ADAM19: variants seen among roughly 807,000 people sequenced by gnomAD.
ADAM19 encodes the protein disintegrin and metalloproteinase domain-containing protein 19.
In ADAM19, 65 loss-of-function variants were observed where a neutral mutation model predicts 114.7. The observed-to-expected ratio is 0.57, with a 90% CI of 0.46 to 0.70. The LOEUF is 0.70. Among genes scored for constraint, ADAM19 ranks in the 30% least tolerant of loss-of-function variants. ADAM19 has a pLI of 0.00. For synonymous variants in ADAM19, 466 were observed against 460.5 expected, an observed-to-expected ratio of 1.01 and a Z score of -0.15; for missense variants, 1,063 against 1,204.7, an observed-to-expected ratio of 0.88 and a Z score of 1.74.
At chr5:157,556,203 C>CT (rs1561555558) in intron 3 of ADAM19, among the ~76,000 whole-genome samples, 3 of 77,310 alleles carry the variant, frequency 3.9e-5, no homozygotes, top group Non-Finnish European at 5.2e-5. Context: ...GTTTTTTTTT[C>CT]TTTTTCTTTT....
intron 17 of ADAM19, 42 bp from the exon 18 acceptor site, chr5:157,491,765 C>T (rs952009424): frequency 1.2e-6 from 2 of 1,611,452 alleles, no homozygotes; most frequent in African/African-American, 2.7e-5. Context: ...CCCCAGAGAG[C>T]ATCAGCCACC....
At chr5:157,491,296 T>C (rs1332660031) in intron 18 of ADAM19, among the ~76,000 whole-genome samples, 2 of 152,220 alleles carry the variant, frequency 1.3e-5, no homozygotes, top group Non-Finnish European at 2.9e-5. Context: ...TATTTTTAAG[T>C]GCCCAAAGAG....
intron 18 of ADAM19, among the ~76,000 whole-genome samples, chr5:157,491,383 C>T (rs1289212895): frequency 1.3e-5 from 2 of 152,244 alleles, no homozygotes; most frequent in African/African-American, 2.4e-5. Context: ...CTCTACTAAG[C>T]GGGCTCCCCC....
intron 21 of ADAM19, among the ~76,000 whole-genome samples, chr5:157,485,002 T>C (rs1480800358): frequency 6.6e-6 from 1 of 152,246 alleles, no homozygotes; most frequent in Non-Finnish European, 1.5e-5. Context: ...TGTTTTCCTT[T>C]TTCTAGAGCA....
intron 3 of ADAM19, 54 bp downstream of exon 3, chr5:157,564,319 G>A (rs1757593080): frequency 6.6e-7 from 1 of 1,522,798 alleles, no homozygotes; most frequent in African/African-American, 1.4e-5. Flanking sequence ...CCTGCGTCCG[G>A]CGTTGACACA....
intron 5 of ADAM19, among the ~76,000 whole-genome samples, chr5:157,529,281 T>C (rs1185552463): frequency 6.7e-6 from 1 of 150,178 alleles, no homozygotes; most frequent in East Asian, 1.9e-4. Flanking sequence ...AATTAGTATA[T>C]GCAATGAGAT....
chr5:157,509,347 G>A lies in ADAM19; in HGVS notation c.859C>T (p.Arg287Cys), dbSNP rs1368514508. 1.3e-5 allele frequency: 21 copies of A among 1,612,388 alleles called. No homozygotes were observed. The highest frequency in any genetic ancestry group is 1.5e-5 in the Non-Finnish European group (18 of 1,179,036). Residue 287 changes from arginine to cysteine, a missense_variant, in exon 9 of 23, where the codon CGC (arginine) becomes TGC (cysteine). By Grantham distance (180) the Arg-to-Cys change is radical. Around this residue, in one of 3 missense-constraint regions of ADAM19, gnomAD observed 615 missense variants for 706.3 expected, o/e 0.87. Coordinates refer to ENST00000257527, the MANE Select transcript of ADAM19 (RefSeq NM_033274.5). ...TGGTACTTCTGGGCAAGCAGCTTGC[G>A]CCTCCAACTGAGAAAGGACCAGAGG... The part of the protein sequence containing the change: ...STLWSFLSWR[R>C]KLLAQKYHDN...
intron 3 of ADAM19, among the ~76,000 whole-genome samples, chr5:157,542,645 T>C (rs530060510): frequency 5.9e-5 from 9 of 152,098 alleles, no homozygotes; most frequent in African/African-American, 2.2e-4. Flanking sequence ...AGCCCGTCTC[T>C]ACAAAAAAAA....
chr5:157,573,533 G>A (rs1183049627), intron 1 of ADAM19, among the ~76,000 whole-genome samples: 1 of 152,158 alleles, frequency 6.6e-6, no homozygotes, highest in Non-Finnish European at 1.5e-5. Flanking sequence ...ATCACCTGAG[G>A]TCAGGAATTT....
intron 6 of ADAM19, 77 bp from the exon 7 acceptor site, chr5:157,518,965 G>A: frequency 8.1e-7 from 1 of 1,228,226 alleles, no homozygotes; most frequent in Non-Finnish European, 1.2e-6. Context: ...AAGAAACAGA[G>A]CTGCTGGATA....
At chr5:157,481,172 C>A in intron 22 of ADAM19, 170 bp from the exon 23 acceptor site, 1 of 846,592 alleles carries the variant, frequency 1.2e-6, no homozygotes. Context: ...ATCAGCCCTG[C>A]AGGAAGGGGT....
chr5:157,500,449 G>A (rs1361099040), intron 12 of ADAM19, among the ~76,000 whole-genome samples: 2 of 152,156 alleles, frequency 1.3e-5, no homozygotes, highest in Non-Finnish European at 2.9e-5. Context: ...TAACCATGTA[G>A]TCTTCTAAAA....
At chr5:157,540,648 A>C (rs148048912) in intron 3 of ADAM19, among the ~76,000 whole-genome samples, 1 of 152,234 alleles carries the variant, frequency 6.6e-6, no homozygotes, top group African/African-American at 2.4e-5. Context: ...CAGGCAGTAC[A>C]TGTGCATTCT....
chr5:157,555,817 C>T (rs752341229), intron 3 of ADAM19, among the ~76,000 whole-genome samples: 26 of 152,190 alleles, frequency 1.7e-4, no homozygotes, highest in Admixed American at 5.2e-4. Flanking sequence ...AGCAGGGCTG[C>T]GTGCCCTCTG....
At chr5:157,558,587 A>G (rs1757425186) in intron 3 of ADAM19, among the ~76,000 whole-genome samples, 1 of 152,218 alleles carries the variant, frequency 6.6e-6, no homozygotes, top group Non-Finnish European at 1.5e-5. Context: ...TTTGCCAACA[A>G]CAAATGAAGC....
chr5:157,530,953 T>C, intron 4 of ADAM19, 70 bp from the exon 5 acceptor site: 1 of 1,318,162 alleles, frequency 7.6e-7, no homozygotes, highest in East Asian at 2.3e-5. Flanking sequence ...TATCTCAGGA[T>C]GGTCATGGAT....
intron 18 of ADAM19, among the ~76,000 whole-genome samples, chr5:157,491,100 T>G (rs1755138397): frequency 6.6e-6 from 1 of 152,076 alleles, no homozygotes; most frequent in African/African-American, 2.4e-5. Context: ...CTTGAAAGAT[T>G]TTGGTGCTTT....
At chr5:157,575,155 G>A (rs954981477) in intron 1 of ADAM19, among the ~76,000 whole-genome samples, 7 of 152,220 alleles carry the variant, frequency 4.6e-5, no homozygotes, top group Non-Finnish European at 1.0e-4. Flanking sequence ...ACCGAGCCTG[G>A]TCCCAGGAAG....
At chr5:157,523,425 T>A (rs1756361745) in intron 5 of ADAM19, among the ~76,000 whole-genome samples, 1 of 152,186 alleles carries the variant, frequency 6.6e-6, no homozygotes, top group African/African-American at 2.4e-5. Flanking sequence ...ATGGGGTGGA[T>A]CCCTCATGAA....
Sources: gnomAD v4.1 joint callset for allele counts (sites outside exome capture counted in the v4.1 genomes callset) on GRCh38, gnomAD v4.1.1 for gene constraint, gnomAD v4.1.1 regional missense constraint, MANE v1.5 for transcripts, NCBI Gene and HGNC (gene_info 2026-07-23, HGNC 2026-07-21) for gene names.